Variants in PCDHGA1 observed in about 807,000 individuals in gnomAD.
The protein encoded by PCDHGA1 is protocadherin gamma subfamily A, 1, also known as protocadherin gamma-A1.
In PCDHGA1, 32 loss-of-function variants were observed where a neutral mutation model predicts 58.0. The ratio of observed to expected loss-of-function variants is 0.55; its 90% CI spans 0.42 to 0.74. The LOEUF is 0.74. Ranked by LOEUF, PCDHGA1 falls within the 30% of genes least tolerant of loss-of-function variation. The pLI, the probability that PCDHGA1 is intolerant of heterozygous loss-of-function variation, is 0.00. For synonymous variants in PCDHGA1, 498 were observed against 501.1 expected (o/e 0.99, Z 0.08); for missense variants, 1,205 against 1,182.3 (o/e 1.02, Z -0.28).
chr5:141,432,919 C>T lies in PCDHGA1; in HGVS notation c.2422-61888C>T. ...TGGCGCTCAGGCTGCGGCGCTGGCACAAGTCACGCCTGCTGCAGGCTTCAG... is the reference window on the plus strand; with the variant it reads ...TGGCGCTCAGGCTGCGGCGCTGGCATAAGTCACGCCTGCTGCAGGCTTCAG... On this transcript the variant is annotated intron_variant, in intron 1 of 3. Coordinates refer to ENST00000517417, the MANE Select transcript of PCDHGA1 (RefSeq NM_018912.3). The surrounding 1 kb of genome is among the most constrained non-coding windows in gnomAD (Gnocchi z 6.0). The T allele has an allele frequency of 2.5e-6, 4 of 1,614,210 alleles. No individual in the cohort carries two copies. Among genetic ancestry groups the T allele is most frequent in the Non-Finnish European group, 3.4e-6 (4 of 1,180,040 alleles).
At chr5:141,404,319 C>T in intron 1 of PCDHGA1, 3 of 1,613,900 alleles carry the variant, frequency 1.9e-6, no homozygotes, top group East Asian at 4.5e-5. Context: ...TCTCAAGCCT[C>T]CTACTCAGTC....
intron 1 of PCDHGA1, chr5:141,388,912 C>T: frequency 6.2e-7 from 1 of 1,613,946 alleles, no homozygotes; most frequent in Non-Finnish European, 8.5e-7. Flanking sequence ...GACAACGCCC[C>T]AGAAGTGATA....
chr5:141,353,842 T>C (rs1435431790), intron 1 of PCDHGA1, among the ~76,000 whole-genome samples: 1 of 152,240 alleles, frequency 6.6e-6, no homozygotes. Flanking sequence ...TCTTTGAGGA[T>C]TGTGAAAAAC....
At chr5:141,473,942 G>A (rs1419813166) in intron 1 of PCDHGA1, among the ~76,000 whole-genome samples, 3 of 152,124 alleles carry the variant, frequency 2.0e-5, no homozygotes, top group Non-Finnish European at 2.9e-5. Flanking sequence ...AGTAGCTCAG[G>A]CCTGTAGTCC....
In PCDHGA1 at chr5:141,332,540, T is replaced by C. The variant is rs1490291977; in HGVS notation, c.1856T>C (p.Val619Ala). 20 of 1,612,428 alleles carry C rather than the reference T, an allele frequency of 1.2e-5. No individual in the cohort carries two copies. Among genetic ancestry groups the C allele is most frequent in the Non-Finnish European group, 1.7e-5 (20 of 1,179,820 alleles). ...LKASEPGLFS[V>A]GLHTGEVRTA... ...GCCAGCGAGCCGGGACTCTTCTCGG[T>C]GGGTCTGCACACGGGCGAGGTGCGC... is the stretch of plus-strand genomic sequence containing the variant. The change falls in exon 1 of 4, where the codon GTG becomes GCG. Residue 619 changes from valine (V) to alanine (A), a missense_variant. By Grantham distance (64) the Val-to-Ala change is moderately conservative. Coordinates refer to ENST00000517417, the MANE Select transcript of PCDHGA1 (RefSeq NM_018912.3). This position sits in a 1 kb window ranked among gnomAD's most constrained non-coding sequence, Gnocchi z 4.6.
intron 1 of PCDHGA1, chr5:141,343,499 T>C: frequency 2.0e-6 from 1 of 499,396 alleles, no homozygotes; most frequent in Non-Finnish European, 2.6e-6. Context: ...TTAATAGTTG[T>C]GTTGGTCCTT....
At chr5:141,366,266 G>T (rs1014933070) in intron 1 of PCDHGA1, 1 of 1,613,562 alleles carries the variant, frequency 6.2e-7, no homozygotes. Flanking sequence ...CGTGGTGGCC[G>T]TCGAAGACCA....
At chr5:141,388,764 T>A in intron 1 of PCDHGA1, 1 of 1,613,990 alleles carries the variant, frequency 6.2e-7, no homozygotes. Flanking sequence ...TGACCTGAAC[T>A]CTAACACCGG....
rs1039645331 is a variant in PCDHGA1, at chr5:141,420,373, T to C, written c.2422-74434T>C. ...TTTAAGATTCTAGATAACTTCTTCA[T>C]AGAGTTCGCAAAATATAGGTCAAAT... is the stretch of plus-strand genomic sequence containing the variant. On this transcript the variant is annotated intron_variant, in intron 1 of 3. Coordinates refer to ENST00000517417, the MANE Select transcript of PCDHGA1 (RefSeq NM_018912.3). 21 of 1,337,592 alleles carry C rather than the reference T, an allele frequency of 1.6e-5. No homozygotes were observed. In the African/African-American group the frequency reaches 2.4e-4, roughly 15 times the overall value. The allele number at this position is 1,337,592 out of a possible 1,614,324, so 82.9% of individuals were successfully genotyped here. A position where few individuals can be genotyped will look rare whatever the true frequency, so the allele number is the denominator to read the frequency against.
chr5:141,442,047 G>A (rs186626119), intron 1 of PCDHGA1: 64 of 202,912 alleles, frequency 3.2e-4, no homozygotes, highest in Admixed American at 9.3e-4. Context: ...GCGCCTACTG[G>A]TCGCGGTGCA....
At chr5:141,344,511 C>T (rs1757428106) in intron 1 of PCDHGA1, 2 of 1,613,854 alleles carry the variant, frequency 1.2e-6, no homozygotes, top group East Asian at 2.2e-5. Context: ...TGCTTTTGAC[C>T]CAGATGTAGG....
At chr5:141,339,971 ATCGT>A in intron 1 of PCDHGA1, 1 of 1,614,200 alleles carries the variant, frequency 6.2e-7, no homozygotes, top group Non-Finnish European at 8.5e-7. Context: ...AGCGAAGGTT[ATCGT>A]CACGGTTCTG....
At chr5:141,374,136 C>A (rs769413254) in intron 1 of PCDHGA1, 3 of 1,605,624 alleles carry the variant, frequency 1.9e-6, no homozygotes, top group Middle Eastern at 1.7e-4. Context: ...CTGCTCCTCA[C>A]GCTCCTGGGG....
intron 1 of PCDHGA1, chr5:141,357,164 C>T (rs776850117): frequency 1.6e-5 from 26 of 1,613,508 alleles, no homozygotes; most frequent in East Asian, 1.1e-4. Flanking sequence ...CCCCCTCTCT[C>T]GGCCACCGTC....
In PCDHGA1 at chr5:141,476,073, A is replaced by C. The variant is rs765071344; in HGVS notation, c.2422-18734A>C. On this transcript the variant is annotated intron_variant, in intron 1 of 3. Coordinates refer to ENST00000517417, the MANE Select transcript of PCDHGA1 (RefSeq NM_018912.3). The surrounding 1 kb of genome is among the most constrained non-coding windows in gnomAD (Gnocchi z 7.6). ...GCTGAAAGTTTCTCAGCGAAATCTC[A>C]GGGACGATCTGGACCCCGCTGAGAG... 4 of 1,524,010 alleles carry C rather than the reference A, an allele frequency of 2.6e-6. No individual in the cohort carries two copies. Among genetic ancestry groups the C allele is most frequent in the Admixed American group, 4.2e-5 (2 of 47,746 alleles). The allele number at this position is 1,524,010 out of a possible 1,614,324, so 94.4% of individuals were successfully genotyped here. A position where few individuals can be genotyped will look rare whatever the true frequency, so the allele number is the denominator to read the frequency against.
rs888389135 is a variant in PCDHGA1 at position 141,487,089 on chromosome 5, C to T, written c.2422-7718C>T. 12 of 1,613,882 alleles carry T rather than the reference C, an allele frequency of 7.4e-6. No individual in the cohort carries two copies. Among genetic ancestry groups the T allele is most frequent in the Non-Finnish European group, 1.0e-5 (12 of 1,179,768 alleles). On this transcript the variant is annotated intron_variant, in intron 1 of 3. Coordinates refer to ENST00000517417, the MANE Select transcript of PCDHGA1 (RefSeq NM_018912.3). The surrounding 1 kb of genome is among the most constrained non-coding windows in gnomAD (Gnocchi z 5.0). The stretch of plus-strand genomic sequence containing the variant: ...GCTGTTCCTATCCCAGCTGACCTCC[C>T]ACCACAGAAGCTGGTCATTGTGGTA...
In PCDHGA1 at chr5:141,372,412, C is replaced by T. The variant is rs776836110; in HGVS notation, c.2421+39307C>T. On this transcript the variant is annotated intron_variant, in intron 1 of 3. Coordinates refer to ENST00000517417, the MANE Select transcript of PCDHGA1 (RefSeq NM_018912.3). ...GCAGATAGCTTGCAAGAGATACAAC[C>T]TGACCTTAGCGACCGCCCCACTCCC... is the stretch of plus-strand genomic sequence containing the variant. 3.7e-6 allele frequency: 6 copies of T among 1,613,964 alleles called. No homozygotes were observed. Among genetic ancestry groups the T allele is most frequent in the Non-Finnish European group, 5.1e-6 (6 of 1,179,912 alleles).
chr5:141,449,256 A>C (rs929920180), intron 1 of PCDHGA1, among the ~76,000 whole-genome samples: 5 of 152,176 alleles, frequency 3.3e-5, no homozygotes, highest in Non-Finnish European at 5.9e-5. Context: ...CAAGAATTGT[A>C]CAAAGAACTG....
At chr5:141,510,844 C>A in intron 3 of PCDHGA1, 103 bp from the exon 4 acceptor site, 1 of 1,592,684 alleles carries the variant, frequency 6.3e-7, no homozygotes, top group South Asian at 1.1e-5. Context: ...GTGGTCAAGG[C>A]CCAGGGTGCT....
Sources: gnomAD v4.1 joint callset for allele counts (sites outside exome capture counted in the v4.1 genomes callset) on GRCh38, gnomAD v4.1.1 for gene constraint, Gnocchi (gnomAD v3.1) non-coding constraint, MANE v1.5 for transcripts, NCBI Gene and HGNC (gene_info 2026-07-23, HGNC 2026-07-21) for gene names.